WWOX: variants seen among roughly 807,000 people sequenced by gnomAD.
The protein encoded by WWOX is WW domain-containing oxidoreductase.
A neutral mutation model predicts 46.2 loss-of-function variants in WWOX; 69 were observed. The observed-to-expected ratio is 1.49, with a 90% CI of 1.23 to 1.82. The LOEUF is 1.82. WWOX is among the 40% of genes most tolerant of loss of function. The pLI, the probability that WWOX is intolerant of heterozygous loss-of-function variation, is 0.00. For synonymous variants in WWOX, 359 were observed against 202.6 expected, an observed-to-expected ratio of 1.77 and a Z score of -6.56; for missense variants, 919 against 542.6, an observed-to-expected ratio of 1.69 and a Z score of -6.89.
chr16:79,205,967 T>C (rs17796342), intron 8 of WWOX: 112,349 of 152,038 alleles, frequency 0.74, 42,386 homozygotes, highest in Non-Finnish European at 0.81. Context: ...AGAGTAGGTT[T>C]CTTAGTTCTG....
At chr16:78,780,051 T>G (rs2050285772) in intron 8 of WWOX, among the ~76,000 whole-genome samples, 1 of 152,184 alleles carries the variant, frequency 6.6e-6, no homozygotes, top group Admixed American at 6.6e-5. Context: ...TATGGATACT[T>G]TTTCTCAAGT....
rs147190124 is a variant in WWOX at position 78,757,986 on chromosome 16, A to G, written c.1056+325234A>G. On this transcript the variant is annotated intron_variant, in intron 8 of 8. Coordinates refer to ENST00000566780, the MANE Select transcript of WWOX (RefSeq NM_016373.4). The stretch of plus-strand genomic sequence containing the variant: ...ATTGATTCCACAACACTGACCTTCT[A>G]TCAGATCAGCCAGGATGCTCTTTTT... 1.2e-4 allele frequency among the ~76,000 whole-genome samples: 19 copies of G among 152,230 alleles called. No individual in the cohort carries two copies. In the East Asian group the frequency reaches 2.7e-3, roughly 22 times the overall value.
At chr16:78,112,965 C>G (rs1016350522) in intron 3 of WWOX, among the ~76,000 whole-genome samples, 1 of 152,116 alleles carries the variant, frequency 6.6e-6, no homozygotes, top group Non-Finnish European at 1.5e-5. Flanking sequence ...CTTGACTTCC[C>G]AAAGCATTCA....
rs139477039 is a variant in WWOX, at chr16:78,315,239, C to A, written c.517-71621C>A. Among the ~76,000 whole-genome samples, 940 of 152,314 alleles carry A rather than the reference C, an allele frequency of 6.2e-3. 5 individuals are homozygous for A. The highest frequency in any genetic ancestry group is 0.019 in the African/African-American group (798 of 41,560). ...CTTGAAATTGTTCTATATCTAAAAT[C>A]ACTAGGTGAGGAGTAATAGAAATGT... On this transcript the variant is annotated intron_variant, in intron 5 of 8. Transcript: ENST00000566780.
chr16:78,582,614 A>G (rs974471018), intron 8 of WWOX, among the ~76,000 whole-genome samples: 4 of 152,238 alleles, frequency 2.6e-5, no homozygotes, highest in South Asian at 2.1e-4. Context: ...TCATCAGTCT[A>G]TTGGTGGTTG....
At chr16:78,421,252 C>T (rs1339945612) in intron 6 of WWOX, among the ~76,000 whole-genome samples, 2 of 152,192 alleles carry the variant, frequency 1.3e-5, no homozygotes, top group African/African-American at 2.4e-5. Context: ...AAGTGGTTTG[C>T]AGCGTTGGCT....
intron 6 of WWOX, among the ~76,000 whole-genome samples, chr16:78,416,424 T>A (rs1313862469): frequency 6.6e-6 from 1 of 152,244 alleles, no homozygotes; most frequent in Non-Finnish European, 1.5e-5. Flanking sequence ...CTGTTTTTAA[T>A]TAATAGAGGT....
At chr16:78,800,069 C>T (rs1221427623) in intron 8 of WWOX, among the ~76,000 whole-genome samples, 1 of 152,122 alleles carries the variant, frequency 6.6e-6, no homozygotes, top group Non-Finnish European at 1.5e-5. Context: ...ACATTGTTAT[C>T]CTTCGGGTTG....
chr16:78,321,391 T>C lies in WWOX; in HGVS notation c.517-65469T>C, dbSNP rs555767680. On this transcript the variant is annotated intron_variant, in intron 5 of 8. Transcript: ENST00000566780. ...ATATACGTATATATGCGTATATATA[T>C]ACGTATATATACGTATATATATATG... Among the ~76,000 whole-genome samples the C allele has an allele frequency of 2.4e-4, 24 of 99,320 alleles. 1 individual carries two copies. Among genetic ancestry groups the C allele is most frequent in the Non-Finnish European group, 3.5e-4 (19 of 53,654 alleles). The allele number at this position is 99,320 out of a possible 152,430, so 65.2% of individuals were successfully genotyped here. A position where few individuals can be genotyped will look rare whatever the true frequency, so the allele number is the denominator to read the frequency against.
chr16:78,691,071 T>A (rs2047975662), intron 8 of WWOX, among the ~76,000 whole-genome samples: 2 of 152,238 alleles, frequency 1.3e-5, no homozygotes, highest in Admixed American at 1.3e-4. Flanking sequence ...TCATAAAATG[T>A]ATTAATGACT....
At position 78,432,556 on chromosome 16, in the gene WWOX, A is replaced by G. The variant is rs369890118; in HGVS notation, c.860A>G (p.Tyr287Cys). 22 of 1,613,998 alleles carry G rather than the reference A, an allele frequency of 1.4e-5. No individual in the cohort carries two copies. The highest frequency in any genetic ancestry group is 4.5e-5 in the East Asian group (2 of 44,890). ...CGCCTCTCTCCAACAAAAAACGACT[A>G]TTGGGCGATGCTGGCTTATAACAGG... ...FSRLSPTKND[Y>C]WAMLAYNRSK... Residue 287 changes from tyrosine (Y) to cysteine (C), a missense_variant, in exon 8 of 9, where the codon TAT (tyrosine) becomes TGT (cysteine). Coordinates refer to ENST00000566780, the MANE Select transcript of WWOX (RefSeq NM_016373.4).
intron 8 of WWOX, among the ~76,000 whole-genome samples, chr16:78,816,502 CTTTTTTTTTTT>C (rs55814418): frequency 4.3e-4 from 18 of 42,092 alleles, no homozygotes; most frequent in East Asian, 1.7e-3. Context: ...AGGAGCCACT[CTTTTTTTTTTT>C]TTTTTTTTTT....
intron 5 of WWOX, among the ~76,000 whole-genome samples, chr16:78,292,193 A>C (rs1180918804): frequency 6.6e-6 from 1 of 150,784 alleles, no homozygotes; most frequent in Non-Finnish European, 1.5e-5. Flanking sequence ...GATCTACATG[A>C]TGTCCTTCAG....
chr16:78,451,460 A>G (rs1203650969), intron 8 of WWOX, among the ~76,000 whole-genome samples: 2 of 152,150 alleles, frequency 1.3e-5, no homozygotes, highest in Admixed American at 6.5e-5. Flanking sequence ...GAAGGATGCA[A>G]TGTGAGGTAG....
intron 8 of WWOX, among the ~76,000 whole-genome samples, chr16:79,038,237 G>A (rs892678366): frequency 1.3e-5 from 2 of 152,070 alleles, no homozygotes; most frequent in African/African-American, 2.4e-5. Context: ...CCTCATGCAC[G>A]TGGTTATTCC....
intron 8 of WWOX, among the ~76,000 whole-genome samples, chr16:79,036,218 C>T (rs2047862963): frequency 1.3e-5 from 2 of 152,206 alleles, no homozygotes; most frequent in African/African-American, 4.8e-5. Flanking sequence ...ATACCCACTA[C>T]AGCTTTCTCC....
chr16:78,547,047 G>C (rs1597246358), intron 8 of WWOX, among the ~76,000 whole-genome samples: 1 of 149,818 alleles, frequency 6.7e-6, no homozygotes, highest in Non-Finnish European at 1.5e-5. Context: ...AGGGTTGCTT[G>C]AGCCTGGGAG....
chr16:78,947,126 G>A (rs1183620510), intron 8 of WWOX, among the ~76,000 whole-genome samples: 3 of 148,580 alleles, frequency 2.0e-5, no homozygotes, highest in Non-Finnish European at 4.5e-5. Flanking sequence ...GGGGGAAAAA[G>A]GAATGCACAT....
chr16:78,830,116 T>G (rs2051775448), intron 8 of WWOX, among the ~76,000 whole-genome samples: 1 of 151,110 alleles, frequency 6.6e-6, no homozygotes, highest in Non-Finnish European at 1.5e-5. Flanking sequence ...AAAATTTACA[T>G]GAAAAAAAAT....
Sources: gnomAD v4.1 joint callset for allele counts (sites outside exome capture counted in the v4.1 genomes callset) on GRCh38, gnomAD v4.1.1 for gene constraint, MANE v1.5 for transcripts, NCBI Gene and HGNC (gene_info 2026-07-23, HGNC 2026-07-21) for gene names.